PITPNB: variants seen among roughly 807,000 people sequenced by gnomAD.
PITPNB encodes the protein phosphatidylinositol transfer protein beta isoform.
PITPNB carries 16 observed loss-of-function variants against 45.9 expected under a neutral mutation model. The observed-to-expected ratio is 0.35, with a 90% CI of 0.24 to 0.53. The LOEUF (loss-of-function observed/expected upper bound fraction) is 0.53. PITPNB is among the 20% of genes least tolerant of loss of function. The pLI, the probability that PITPNB is intolerant of heterozygous loss-of-function variation, is 0.93. For missense variants in PITPNB, 188 were observed against 330.5 expected (o/e 0.57, Z 3.34); for synonymous variants, 112 against 108.9 (o/e 1.03, Z -0.18).
chr22:27,898,216 A>T (rs1312686583), intron 3 of PITPNB: 1 of 271,070 alleles, frequency 3.7e-6, no homozygotes, highest in East Asian at 1.0e-4. Context: ...TCTCTACAAA[A>T]AATATAAAAC....
intron 7 of PITPNB, among the ~76,000 whole-genome samples, chr22:27,887,207 G>A (rs17480313): frequency 6.6e-6 from 1 of 152,172 alleles, no homozygotes; most frequent in African/African-American, 2.4e-5. Flanking sequence ...AAACACAGGC[G>A]CATTAGAGGA....
intron 7 of PITPNB, among the ~76,000 whole-genome samples, chr22:27,884,114 G>A (rs908658517): frequency 2.6e-4 from 40 of 151,846 alleles, no homozygotes; most frequent in African/African-American, 9.5e-4. Flanking sequence ...CTCAACAGCA[G>A]CAACAACCCA....
rs549264848 is a variant in PITPNB, at chr22:27,912,815, C to A, written c.51+1502G>T. Among the ~76,000 whole-genome samples, 17 of 151,706 alleles carry A rather than the reference C, an allele frequency of 1.1e-4. No individual in the cohort carries two copies. In the South Asian group the frequency reaches 3.3e-3, roughly 30 times the overall value. On this transcript the variant is annotated intron_variant, in intron 2 of 11. Transcript: ENST00000335272. ...TGACCAATATGGTGAAACCCGGTCT[C>A]TAATAAATATACAAAAATTAGCCAG...
intron 1 of PITPNB, 192 bp downstream of exon 1, chr22:27,918,980 C>T (rs1044680916): frequency 7.8e-5 from 62 of 793,970 alleles, no homozygotes; most frequent in Non-Finnish European, 1.3e-4. Flanking sequence ...CGTGTTACCA[C>T]GGCAATGCCT....
At chr22:27,886,380 C>T (rs1481325293) in intron 7 of PITPNB, among the ~76,000 whole-genome samples, 1 of 152,210 alleles carries the variant, frequency 6.6e-6, no homozygotes, top group Admixed American at 6.5e-5. Context: ...TATTTAAATA[C>T]ATATGATTTT....
intron 7 of PITPNB, among the ~76,000 whole-genome samples, chr22:27,893,191 C>T (rs1935330812): frequency 6.6e-6 from 1 of 152,106 alleles, no homozygotes; most frequent in South Asian, 2.1e-4. Context: ...TTTACACATG[C>T]TGTGTAAAAC....
rs910740901 is a variant in PITPNB, at chr22:27,915,599, G to A, written c.21-1252C>T. ...CTCCCCTTTGACTACTGAGTTACTC[G>A]CCACTCTTTGTCTTTCTGGTAACGG... On this transcript the variant is annotated intron_variant, in intron 1 of 11. Coordinates refer to ENST00000335272, the MANE Select transcript of PITPNB (RefSeq NM_012399.5). 1.1e-4 allele frequency among the ~76,000 whole-genome samples: 16 copies of A among 151,940 alleles called. No homozygotes were observed. In the East Asian group the frequency reaches 1.9e-3, roughly 18 times the overall value.
chr22:27,898,182 C>G (rs1238211377), intron 3 of PITPNB: 1 of 320,112 alleles, frequency 3.1e-6, no homozygotes. Flanking sequence ...TTGAGACTAG[C>G]CTGGACAACA....
intron 9 of PITPNB, 26 bp from the exon 10 acceptor site, chr22:27,858,535 G>C: frequency 6.3e-7 from 1 of 1,587,540 alleles, no homozygotes; most frequent in Non-Finnish European, 8.6e-7. Flanking sequence ...CAAAAAAGTA[G>C]CATAAGATGA....
In PITPNB at chr22:27,894,887, T is replaced by C. The variant is rs950114903; in HGVS notation, c.373-249A>G. Among the ~76,000 whole-genome samples, 3 of 152,236 alleles carry C rather than the reference T, an allele frequency of 2.0e-5. No individual in the cohort carries two copies. In the East Asian group the frequency reaches 5.8e-4, roughly 29 times the overall value. Reference sequence around the variant, plus strand: ...CAAATGAATAGAAACCTGTCAATATTATCTTCTGACAGTCCTCACAGATGA... The same window carrying C: ...CAAATGAATAGAAACCTGTCAATATCATCTTCTGACAGTCCTCACAGATGA... On this transcript the variant is annotated intron_variant, in intron 6 of 11. Transcript: ENST00000335272.
At chr22:27,907,941 T>C (rs1309514909) in intron 3 of PITPNB, among the ~76,000 whole-genome samples, 3 of 151,864 alleles carry the variant, frequency 2.0e-5, no homozygotes, top group African/African-American at 4.8e-5. Context: ...CTCCTAGGAA[T>C]GGAGAAGTTG....
intron 8 of PITPNB, among the ~76,000 whole-genome samples, chr22:27,860,837 C>T (rs1934306083): frequency 6.6e-6 from 1 of 151,976 alleles, no homozygotes; most frequent in South Asian, 2.1e-4. Context: ...ATAGTGTAGT[C>T]AGGAATCAAA....
chr22:27,895,040 G>A (rs1449396293), intron 6 of PITPNB, among the ~76,000 whole-genome samples: 1 of 152,130 alleles, frequency 6.6e-6, no homozygotes, highest in Non-Finnish European at 1.5e-5. Context: ...TTCAAATGAT[G>A]CACTGTATGG....
intron 7 of PITPNB, among the ~76,000 whole-genome samples, chr22:27,884,673 A>G (rs888383839): frequency 1.3e-5 from 2 of 152,212 alleles, no homozygotes; most frequent in African/African-American, 2.4e-5. Context: ...GAAGCATTAC[A>G]CTCAAACATG....
chr22:27,858,789 T>C lies in PITPNB; in HGVS notation c.646-280A>G, dbSNP rs893252973. Among the ~76,000 whole-genome samples, 10 of 152,312 alleles carry C rather than the reference T, an allele frequency of 6.6e-5. No individual in the cohort carries two copies. The East Asian group carries it at 1.9e-3, about 29-fold the overall frequency. ...AAAAAATGCGGTGTGTATGACCTAATCCAACACATTCCTGCTGGGCCTGAT... is the reference window on the plus strand; with the variant it reads ...AAAAAATGCGGTGTGTATGACCTAACCCAACACATTCCTGCTGGGCCTGAT... On this transcript the variant is annotated intron_variant, in intron 9 of 11. Transcript: ENST00000335272.
At chr22:27,867,073 A>C (rs2044612453) in intron 8 of PITPNB, among the ~76,000 whole-genome samples, 1 of 152,220 alleles carries the variant, frequency 6.6e-6, no homozygotes, top group South Asian at 2.1e-4. Flanking sequence ...ATTTCTGTAA[A>C]TACATGGGAA....
At chr22:27,890,801 G>A (rs374291019) in intron 7 of PITPNB, among the ~76,000 whole-genome samples, 2 of 152,168 alleles carry the variant, frequency 1.3e-5, no homozygotes, top group Non-Finnish European at 1.5e-5. Flanking sequence ...GCGACAGAGC[G>A]AGACTCTGTC....
intron 7 of PITPNB, among the ~76,000 whole-genome samples, chr22:27,885,184 TAAAAAG>T (rs1462709175): frequency 1.2e-5 from 1 of 83,808 alleles, no homozygotes; most frequent in Non-Finnish European, 2.2e-5. Flanking sequence ...TGGAGATGAT[TAAAAAG>T]AGCCAGATTC....
At chr22:27,918,994 G>A (rs1936185335) in intron 1 of PITPNB, 178 bp downstream of exon 1, 1 of 877,824 alleles carries the variant, frequency 1.1e-6, no homozygotes, top group Non-Finnish European at 1.9e-6. Flanking sequence ...AATGCCTGGA[G>A]GGCCGAGGGG....
Sources: gnomAD v4.1 joint callset for allele counts (sites outside exome capture counted in the v4.1 genomes callset) on GRCh38, gnomAD v4.1.1 for gene constraint, MANE v1.5 for transcripts, NCBI Gene and HGNC (gene_info 2026-07-23, HGNC 2026-07-21) for gene names.